Variants in ANKS1B observed in about 807,000 individuals in gnomAD.
The protein encoded by ANKS1B is ankyrin repeat and sterile alpha motif domain containing 1B, also known as ankyrin repeat and sterile alpha motif domain-containing protein 1B.
Under a neutral mutation model 148.3 loss-of-function variants are expected in ANKS1B, and 36 were observed. The observed-to-expected ratio is 0.24, with a 90% CI of 0.19 to 0.32. ANKS1B has a LOEUF of 0.32. Among genes scored for constraint, ANKS1B ranks in the 10% least tolerant of loss-of-function variants. The pLI, the probability that ANKS1B is intolerant of heterozygous loss-of-function variation, is 1.00. For synonymous variants in ANKS1B, 542 were observed against 560.8 expected (o/e 0.97, Z 0.47); for missense variants, 1,157 against 1,542.6 (o/e 0.75, Z 4.19).
At chr12:99,504,688 C>T (rs750180611) in intron 9 of ANKS1B, 47 bp from the exon 10 acceptor site, 2 of 1,374,252 alleles carry the variant, frequency 1.5e-6, no homozygotes, top group Admixed American at 5.9e-5. Flanking sequence ...AAGAAACAGC[C>T]TTGTTTAATT....
In ANKS1B at chr12:99,037,256, T is replaced by A. The variant is rs2099956118; in HGVS notation, c.2778+15901A>T. Among the ~76,000 whole-genome samples the A allele has an allele frequency of 2.6e-5, 4 of 152,052 alleles. No individual in the cohort carries two copies. In the South Asian group the frequency reaches 8.3e-4, roughly 32 times the overall value. On this transcript the variant is annotated intron_variant, in intron 17 of 26. Coordinates refer to ENST00000683438, the MANE Select transcript of ANKS1B (RefSeq NM_001352186.2). ...ACATGGCCAGGCGCTGTGGCTCACG[T>A]CTGTAATCCCAGCACTTTGGGAGGC...
intron 4 of ANKS1B, among the ~76,000 whole-genome samples, chr12:99,787,160 T>C (rs557454347): frequency 1.3e-5 from 2 of 152,166 alleles, no homozygotes; most frequent in Non-Finnish European, 2.9e-5. Flanking sequence ...TATGTCCCCA[T>C]CCAAATCTCA....
At chr12:99,157,378 G>T (rs1353688722) in intron 14 of ANKS1B, among the ~76,000 whole-genome samples, 1 of 152,138 alleles carries the variant, frequency 6.6e-6, no homozygotes. Context: ...CTTTGGCTTG[G>T]CAAGGCACAT....
At chr12:99,532,341 T>G (rs1048794588) in intron 9 of ANKS1B, among the ~76,000 whole-genome samples, 6 of 152,156 alleles carry the variant, frequency 3.9e-5, no homozygotes, top group Admixed American at 1.3e-4. Context: ...ATTTAAGGTT[T>G]TTTTGTTGTT....
chr12:99,769,936 A>C (rs1411301355), intron 8 of ANKS1B, among the ~76,000 whole-genome samples: 2 of 152,216 alleles, frequency 1.3e-5, no homozygotes, highest in Non-Finnish European at 2.9e-5. Context: ...AACAAAAGTG[A>C]AAAGCACAGC....
chr12:99,416,451 C>T (rs915644089), intron 11 of ANKS1B, among the ~76,000 whole-genome samples: 7 of 152,212 alleles, frequency 4.6e-5, no homozygotes, highest in African/African-American at 1.7e-4. Flanking sequence ...AATTGCTGTA[C>T]AATTTTACAT....
intron 12 of ANKS1B, among the ~76,000 whole-genome samples, chr12:99,335,319 C>A (rs1269688824): frequency 1.3e-5 from 2 of 151,892 alleles, no homozygotes; most frequent in African/African-American, 4.8e-5. Flanking sequence ...TGAGGTATCC[C>A]TAATCTCAAG....
intron 17 of ANKS1B, among the ~76,000 whole-genome samples, chr12:98,986,638 A>G (rs1229496001): frequency 6.6e-6 from 1 of 151,936 alleles, no homozygotes; most frequent in African/African-American, 2.4e-5. Context: ...TTTTGGAGAC[A>G]GGGTCTTGCT....
rs373939164 is a variant in ANKS1B at position 99,741,460 on chromosome 12, G to A, written c.1128+31462C>T. On this transcript the variant is annotated intron_variant, in intron 8 of 26. Coordinates refer to ENST00000683438, the MANE Select transcript of ANKS1B (RefSeq NM_001352186.2). ...CACATTCACATGTATGTTTACTGCAGCATTATTCACAATAGCAAAGACTTG... is the reference window on the plus strand; with the variant it reads ...CACATTCACATGTATGTTTACTGCAACATTATTCACAATAGCAAAGACTTG... Among the ~76,000 whole-genome samples, 8 of 152,196 alleles carry A rather than the reference G, an allele frequency of 5.3e-5. No homozygotes were observed. In the East Asian group the frequency reaches 5.8e-4, roughly 11 times the overall value.
At chr12:98,841,136 C>G (rs2153724040) in intron 17 of ANKS1B, among the ~76,000 whole-genome samples, 1 of 152,210 alleles carries the variant, frequency 6.6e-6, no homozygotes, top group South Asian at 2.1e-4. Context: ...ACTTTATTTC[C>G]TTTCAATTTT....
intron 1 of ANKS1B, among the ~76,000 whole-genome samples, chr12:99,876,802 A>G (rs1201098370): frequency 6.6e-6 from 1 of 151,982 alleles, no homozygotes; most frequent in Admixed American, 6.6e-5. Context: ...AAGTATAAGT[A>G]TAAAAAGTAT....
intron 9 of ANKS1B, among the ~76,000 whole-genome samples, chr12:99,548,666 A>G (rs2097191905): frequency 6.6e-6 from 1 of 152,156 alleles, no homozygotes; most frequent in Admixed American, 6.6e-5. Flanking sequence ...CCAGAAAAAG[A>G]GAGGGTAGTA....
intron 22 of ANKS1B, among the ~76,000 whole-genome samples, chr12:98,789,843 A>G (rs2153548944): frequency 6.6e-6 from 1 of 152,320 alleles, no homozygotes; most frequent in Non-Finnish European, 1.5e-5. Context: ...AATATTTCAA[A>G]ATATATTATT....
At chr12:99,298,953 G>A (rs941499800) in intron 12 of ANKS1B, among the ~76,000 whole-genome samples, 2 of 151,990 alleles carry the variant, frequency 1.3e-5, no homozygotes, top group East Asian at 1.9e-4. Flanking sequence ...ATCAAATTTC[G>A]GTCTCTGTGA....
intron 13 of ANKS1B, among the ~76,000 whole-genome samples, chr12:99,245,277 C>T (rs2090067781): frequency 6.6e-6 from 1 of 152,090 alleles, no homozygotes; most frequent in Non-Finnish European, 1.5e-5. Flanking sequence ...ATTAATCCTG[C>T]CTCTACAAAA....
chr12:99,276,721 C>G (rs141012614), intron 12 of ANKS1B, among the ~76,000 whole-genome samples: 220 of 152,274 alleles, frequency 1.4e-3, no homozygotes, highest in African/African-American at 5.1e-3. Context: ...ATAATAAAAC[C>G]TTCTTCTGAC....
intron 8 of ANKS1B, among the ~76,000 whole-genome samples, chr12:99,769,695 A>C (rs1311439327): frequency 6.6e-6 from 1 of 152,200 alleles, no homozygotes; most frequent in African/African-American, 2.4e-5. Flanking sequence ...CCCTGTATGG[A>C]GAAATAATAC....
chr12:99,247,943 G>A (rs979512944), intron 12 of ANKS1B, among the ~76,000 whole-genome samples: 1 of 152,128 alleles, frequency 6.6e-6, no homozygotes, highest in Non-Finnish European at 1.5e-5. Context: ...GTGCTGATTC[G>A]TACTTTCAGT....
chr12:99,517,297 T>C lies in ANKS1B; in HGVS notation c.1273-12656A>G, dbSNP rs558345877. On this transcript the variant is annotated intron_variant, in intron 9 of 26. Coordinates refer to ENST00000683438, the MANE Select transcript of ANKS1B (RefSeq NM_001352186.2). ...TTGTAAGTGCAATAACTCTTTTGAT[T>C]TCTTTTTCAGGTTGTTCACTGTTGG... Among the ~76,000 whole-genome samples the C allele has an allele frequency of 2.6e-5, 4 of 152,258 alleles. No homozygotes were observed. In the East Asian group the frequency reaches 7.7e-4, roughly 29 times the overall value.
Sources: gnomAD v4.1 joint callset for allele counts (sites outside exome capture counted in the v4.1 genomes callset) on GRCh38, gnomAD v4.1.1 for gene constraint, MANE v1.5 for transcripts, NCBI Gene and HGNC (gene_info 2026-07-23, HGNC 2026-07-21) for gene names.